PTPRD: variants seen among roughly 807,000 people sequenced by gnomAD.
PTPRD encodes the protein protein tyrosine phosphatase receptor type D, also known as receptor-type tyrosine-protein phosphatase delta.
In PTPRD, 34 loss-of-function variants were observed where a neutral mutation model predicts 214.5. The ratio of observed to expected loss-of-function variants is 0.16; its 90% CI spans 0.12 to 0.21. The LOEUF (loss-of-function observed/expected upper bound fraction) is 0.21, where lower values mean the gene tolerates loss of function less well. Among genes scored for constraint, PTPRD ranks in the 10% least tolerant of loss-of-function variants. PTPRD has a pLI of 1.00. For synonymous variants in PTPRD, 1,128 were observed against 845.7 expected, an observed-to-expected ratio of 1.33 and a Z score of -5.79; for missense variants, 2,545 against 2,398.7, an observed-to-expected ratio of 1.06 and a Z score of -1.27.
chr9:8,438,629 TG>T (rs1335019997), intron 34 of PTPRD: 1 of 152,116 alleles, frequency 6.6e-6, no homozygotes, highest in African/African-American at 2.4e-5. Flanking sequence ...TATCTGGAAA[TG>T]GAAATGGACT....
intron 3 of PTPRD, among the ~76,000 whole-genome samples, chr9:10,078,945 T>C (rs1242045597): frequency 6.6e-6 from 1 of 152,136 alleles, no homozygotes; most frequent in Admixed American, 6.6e-5. Context: ...TGGTTGAACA[T>C]TATCCAGCTT....
chr9:9,207,323 A>G (rs2099945484), intron 9 of PTPRD, among the ~76,000 whole-genome samples: 2 of 152,204 alleles, frequency 1.3e-5, no homozygotes, highest in Admixed American at 6.5e-5. Context: ...TAAGAGCATT[A>G]AGTTACACAT....
intron 11 of PTPRD, among the ~76,000 whole-genome samples, chr9:8,929,658 G>C (rs2098930553): frequency 7.0e-6 from 1 of 143,848 alleles, no homozygotes; most frequent in Non-Finnish European, 1.5e-5. Flanking sequence ...TTCTTTTTTT[G>C]TGTGTCTCTG....
intron 14 of PTPRD, among the ~76,000 whole-genome samples, chr9:8,566,029 T>C (rs1169800915): frequency 6.6e-6 from 1 of 151,646 alleles, no homozygotes; most frequent in East Asian, 1.9e-4. Flanking sequence ...TAAGCTGGTA[T>C]AGAACAAAAT....
At chr9:9,932,262 G>A (rs1376783970) in intron 5 of PTPRD, among the ~76,000 whole-genome samples, 2 of 150,482 alleles carry the variant, frequency 1.3e-5, no homozygotes, top group Non-Finnish European at 1.5e-5. Flanking sequence ...GAAGGCTTCA[G>A]ACGATCAAAT....
intron 12 of PTPRD, among the ~76,000 whole-genome samples, chr9:8,682,764 A>C (rs1016529634): frequency 1.1e-4 from 16 of 152,172 alleles, no homozygotes; most frequent in African/African-American, 3.6e-4. Context: ...ATTTAGTAAT[A>C]CTAATTACAT....
chr9:10,547,043 A>G lies in PTPRD; in HGVS notation c.-600+65355T>C, dbSNP rs151036685. Among the ~76,000 whole-genome samples the G allele has an allele frequency of 2.3e-3, 355 of 152,212 alleles. 1 individual carries two copies. The highest frequency in any genetic ancestry group is 8.2e-3 in the African/African-American group (340 of 41,554). On this transcript the variant is annotated intron_variant, in intron 2 of 45. Transcript: ENST00000381196. ...CATTAAGCCTCACCAAGACTCCAAT[A>G]TAATAGTCCTACAGGTCATATGACG...
chr9:9,747,398 C>A (rs570505709), intron 6 of PTPRD, among the ~76,000 whole-genome samples: 1 of 152,278 alleles, frequency 6.6e-6, no homozygotes, highest in South Asian at 2.1e-4. Flanking sequence ...TATATATCTG[C>A]TCACAATAGA....
At chr9:9,505,540 C>T (rs1483438499) in intron 8 of PTPRD, among the ~76,000 whole-genome samples, 1 of 151,312 alleles carries the variant, frequency 6.6e-6, no homozygotes, top group Non-Finnish European at 1.5e-5. Context: ...ATTTGAGGTA[C>T]TCAAATATTT....
Position 9,814,026 on chromosome 9 carries a change from C to G in PTPRD, c.-367-47175G>C, listed in dbSNP as rs192786694. Among the ~76,000 whole-genome samples the G allele has an allele frequency of 5.9e-5, 9 of 152,122 alleles. No individual in the cohort carries two copies. In the East Asian group the frequency reaches 1.7e-3, roughly 29 times the overall value. ...AAGTCAATAAGTTTTGTACACTACA[C>G]TAACAGAATGAAGGATAAATATCAC... On this transcript the variant is annotated intron_variant, in intron 5 of 45. Coordinates refer to ENST00000381196, the MANE Select transcript of PTPRD (RefSeq NM_002839.4).
At chr9:9,650,331 T>C (rs1170215748) in intron 7 of PTPRD, among the ~76,000 whole-genome samples, 6 of 152,226 alleles carry the variant, frequency 3.9e-5, no homozygotes, top group African/African-American at 7.2e-5. Context: ...GGTAGTTCTT[T>C]ATAGCATTGT....
At chr9:10,350,828 C>T (rs1009979961) in intron 2 of PTPRD, among the ~76,000 whole-genome samples, 1 of 152,164 alleles carries the variant, frequency 6.6e-6, no homozygotes, top group Non-Finnish European at 1.5e-5. Context: ...AAATATTGAG[C>T]GTGGTGGGAT....
At chr9:9,354,434 A>G (rs115070480) in intron 9 of PTPRD, among the ~76,000 whole-genome samples, 1,730 of 151,928 alleles carry the variant, frequency 0.011, 30 homozygotes, top group African/African-American at 0.04. Context: ...TATCATACCT[A>G]CAGAGATCAT....
At position 10,578,063 on chromosome 9, in the gene PTPRD, T is replaced by C. The variant is rs540197083; in HGVS notation, c.-600+34335A>G. Among the ~76,000 whole-genome samples, 12 of 151,880 alleles carry C rather than the reference T, an allele frequency of 7.9e-5. 1 individual carries two copies. The South Asian group carries it at 2.1e-3, about 26-fold the overall frequency. On this transcript the variant is annotated intron_variant, in intron 2 of 45. Coordinates refer to ENST00000381196, the MANE Select transcript of PTPRD (RefSeq NM_002839.4). ...AGTAGCTGGGATTACAGGTGCACCA[T>C]CACACCTGGCTAATTTTTGTATTTT... is the stretch of plus-strand genomic sequence containing the variant.
intron 11 of PTPRD, among the ~76,000 whole-genome samples, chr9:8,840,899 G>A (rs7857477): frequency 0.13 from 19,310 of 152,090 alleles, 2,817 homozygotes; most frequent in African/African-American, 0.36. Context: ...TGCATGTAAC[G>A]ATATGTACAA....
At chr9:9,430,385 G>A (rs373910670) in intron 8 of PTPRD, among the ~76,000 whole-genome samples, 2 of 151,026 alleles carry the variant, frequency 1.3e-5, no homozygotes, top group East Asian at 1.9e-4. Context: ...ACAAACCACT[G>A]CTCAACAAAT....
At chr9:8,806,784 A>G (rs1250144192) in intron 11 of PTPRD, among the ~76,000 whole-genome samples, 5 of 152,124 alleles carry the variant, frequency 3.3e-5, no homozygotes, top group African/African-American at 1.2e-4. Context: ...TGTTAGAAAT[A>G]TATTTTAAAA....
intron 11 of PTPRD, among the ~76,000 whole-genome samples, chr9:8,737,711 C>T (rs1032240239): frequency 3.3e-5 from 5 of 152,168 alleles, no homozygotes; most frequent in Admixed American, 2.6e-4. Flanking sequence ...AGTGCAGTGG[C>T]ACAATCTCAG....
At chr9:9,081,854 G>A (rs891932490) in intron 10 of PTPRD, among the ~76,000 whole-genome samples, 1 of 150,122 alleles carries the variant, frequency 6.7e-6, no homozygotes, top group African/African-American at 2.5e-5. Context: ...CATTTGCTTG[G>A]TAAATATTCC....
Sources: gnomAD v4.1 joint callset for allele counts (sites outside exome capture counted in the v4.1 genomes callset) on GRCh38, gnomAD v4.1.1 for gene constraint, MANE v1.5 for transcripts, NCBI Gene and HGNC (gene_info 2026-07-23, HGNC 2026-07-21) for gene names.